Variants in FRMD5 observed in about 807,000 individuals in gnomAD.
FRMD5 encodes FERM domain containing 5.
FRMD5 carries 20 observed loss-of-function variants against 69.0 expected under a neutral mutation model. The ratio of observed to expected loss-of-function variants is 0.29; its 90% CI spans 0.20 to 0.42. The LOEUF (loss-of-function observed/expected upper bound fraction) is 0.42. Among genes scored for constraint, FRMD5 ranks in the 10% least tolerant of loss-of-function variants. FRMD5 has a pLI of 1.00. For missense variants in FRMD5, 595 were observed against 708.6 expected (o/e 0.84, Z 1.82); for synonymous variants, 271 against 260.1 (o/e 1.04, Z -0.40).
At chr15:43,964,762 C>A (rs1365386744) in intron 1 of FRMD5, among the ~76,000 whole-genome samples, 1 of 152,126 alleles carries the variant, frequency 6.6e-6, no homozygotes, top group East Asian at 1.9e-4. Flanking sequence ...CAAGTATTGA[C>A]AACATTGTGA....
intron 4 of FRMD5, among the ~76,000 whole-genome samples, chr15:43,913,221 G>T (rs996002460): frequency 1.3e-5 from 2 of 152,188 alleles, no homozygotes; most frequent in Non-Finnish European, 2.9e-5. Flanking sequence ...CTGCTGGGCA[G>T]GGTTCCTTTT....
intron 11 of FRMD5, 59 bp from the exon 12 acceptor site, chr15:43,884,854 C>T: frequency 7.0e-7 from 1 of 1,421,734 alleles, no homozygotes; most frequent in Non-Finnish European, 9.9e-7. Flanking sequence ...TAGGACAGCT[C>T]CTCTCCAAGA....
At chr15:44,051,148 T>C (rs1892647247) in intron 1 of FRMD5, among the ~76,000 whole-genome samples, 7 of 118,864 alleles carry the variant, frequency 5.9e-5, no homozygotes, top group African/African-American at 2.3e-4. Flanking sequence ...ACTTTTTTTT[T>C]TTTTTTTTTT....
At chr15:44,138,666 G>A (rs1355567042) in intron 1 of FRMD5, among the ~76,000 whole-genome samples, 4 of 152,112 alleles carry the variant, frequency 2.6e-5, no homozygotes, top group Non-Finnish European at 2.9e-5. Flanking sequence ...TCAGAAAGAA[G>A]AGCCCAAAGA....
At chr15:43,959,376 C>T (rs762760077) in intron 1 of FRMD5, among the ~76,000 whole-genome samples, 3 of 152,218 alleles carry the variant, frequency 2.0e-5, no homozygotes, top group African/African-American at 7.2e-5. Flanking sequence ...AAACCAAATA[C>T]AGTCCTGGTA....
chr15:43,884,343 G>A (rs2088610571), intron 12 of FRMD5, among the ~76,000 whole-genome samples: 1 of 152,170 alleles, frequency 6.6e-6, no homozygotes, highest in Non-Finnish European at 1.5e-5. Context: ...CATGAAGCAT[G>A]GATCCTGAAA....
intron 2 of FRMD5, among the ~76,000 whole-genome samples, chr15:43,920,179 T>G (rs973302251): frequency 6.6e-6 from 1 of 152,234 alleles, no homozygotes; most frequent in African/African-American, 2.4e-5. Context: ...AAATACTGAC[T>G]TTAATGGGTG....
At position 43,905,823 on chromosome 15, in the gene FRMD5, C is replaced by T. The variant is rs1214636695; in HGVS notation, c.551+5G>A. ...ATGTTCTGGGCCTGATTAAGTGCCACGTACCTCAGTTCCGTCTTGTGAATC... is the reference window on the plus strand; with the variant it reads ...ATGTTCTGGGCCTGATTAAGTGCCATGTACCTCAGTTCCGTCTTGTGAATC... On this transcript the variant is annotated splice_donor_5th_base_variant and intron_variant, in intron 6 of 13. Transcript: ENST00000417257. 2 of 1,613,950 alleles carry T rather than the reference C, an allele frequency of 1.2e-6. No individual in the cohort carries two copies. Among genetic ancestry groups the T allele is most frequent in the Non-Finnish European group, 1.7e-6 (2 of 1,180,002 alleles).
chr15:44,168,090 A>G (rs1282768342), intron 1 of FRMD5, among the ~76,000 whole-genome samples: 1 of 152,236 alleles, frequency 6.6e-6, no homozygotes, highest in Non-Finnish European at 1.5e-5. Context: ...CCAATCCTTC[A>G]TTAAATGGGG....
intron 1 of FRMD5, among the ~76,000 whole-genome samples, chr15:44,152,473 A>C (rs1040135318): frequency 8.5e-5 from 13 of 152,238 alleles, no homozygotes; most frequent in Admixed American, 2.0e-4. Flanking sequence ...AAGTTGCTAC[A>C]CACATTCTCA....
chr15:44,002,261 A>T (rs1890246904), intron 1 of FRMD5, among the ~76,000 whole-genome samples: 2 of 152,064 alleles, frequency 1.3e-5, no homozygotes, highest in African/African-American at 4.8e-5. Flanking sequence ...TTGTTATTGG[A>T]GGCTCATTCG....
At chr15:44,104,615 A>G (rs2076688598) in intron 1 of FRMD5, among the ~76,000 whole-genome samples, 1 of 152,186 alleles carries the variant, frequency 6.6e-6, no homozygotes, top group Non-Finnish European at 1.5e-5. Flanking sequence ...AATACTTACC[A>G]TTGTGTCCCA....
intron 13 of FRMD5, chr15:43,879,863 G>A (rs189290105): frequency 4.4e-5 from 17 of 387,294 alleles, no homozygotes; most frequent in Non-Finnish European, 7.3e-5. Context: ...ACCTCCCCAA[G>A]CTTCACATCA....
At chr15:43,991,467 G>T (rs1196943023) in intron 1 of FRMD5, among the ~76,000 whole-genome samples, 1 of 152,208 alleles carries the variant, frequency 6.6e-6, no homozygotes, top group African/African-American at 2.4e-5. Context: ...TGCTGCTGCT[G>T]CATTCTGTGC....
chr15:43,875,390 A>ATGTATGTATG (rs1555465624), intron 13 of FRMD5, among the ~76,000 whole-genome samples: 1 of 124,836 alleles, frequency 8.0e-6, no homozygotes, highest in African/African-American at 3.4e-5. Context: ...ATATATATAT[A>ATGTATGTATG]TATGTATGTA....
Position 44,195,195 on chromosome 15 carries a change from C to G in FRMD5, c.-141G>C. The G allele has an allele frequency of 1.7e-6, 1 of 594,082 alleles. No homozygotes were observed. The allele number at this position is 594,082 out of a possible 1,614,324, so 36.8% of individuals were successfully genotyped here. On this transcript the variant is annotated 5_prime_UTR_variant, in exon 1 of 14. Transcript: ENST00000417257. ...GTCGCTGCCGTTGCCTCCTGCTGGC[C>G]TCGTTCCTCCTCCTTATCCTCCTCC...
intron 1 of FRMD5, among the ~76,000 whole-genome samples, chr15:44,030,249 G>A (rs1358745228): frequency 6.6e-6 from 1 of 151,900 alleles, no homozygotes; most frequent in Non-Finnish European, 1.5e-5. Flanking sequence ...GTGAGGGAAG[G>A]AGGGGAAATT....
At chr15:44,014,019 G>T (rs1414176418) in intron 1 of FRMD5, among the ~76,000 whole-genome samples, 1 of 152,022 alleles carries the variant, frequency 6.6e-6, no homozygotes, top group Non-Finnish European at 1.5e-5. Flanking sequence ...ACCACGCCCG[G>T]CTAATTTTTT....
intron 1 of FRMD5, among the ~76,000 whole-genome samples, chr15:44,075,324 A>C (rs149465928): frequency 6.6e-6 from 1 of 152,144 alleles, no homozygotes; most frequent in Admixed American, 6.5e-5. Context: ...AGTGGTGCCA[A>C]TTTTGAAGGA....
Sources: gnomAD v4.1 joint callset for allele counts (sites outside exome capture counted in the v4.1 genomes callset) on GRCh38, gnomAD v4.1.1 for gene constraint, MANE v1.5 for transcripts, NCBI Gene and HGNC (gene_info 2026-07-23, HGNC 2026-07-21) for gene names.